Variants in EIF4E observed in about 807,000 individuals in gnomAD.
The protein encoded by EIF4E is eIF-4F 25 kDa subunit.
For synonymous variants in EIF4E, 71 were observed against 88.5 expected, an observed-to-expected ratio of 0.80 and a Z score of 1.11; for missense variants, 113 against 265.6, an observed-to-expected ratio of 0.43 and a Z score of 3.99.
intron 5 of EIF4E, chr4:98,886,645 G>A: frequency 2.9e-6 from 1 of 344,704 alleles, no homozygotes; most frequent in South Asian, 2.3e-5. Flanking sequence ...AACCCAGAGG[G>A]TGAGGCTGAA....
rs572779025 is a variant in EIF4E, at chr4:98,880,821, G to C, written c.*207C>G. The C allele has an allele frequency of 1.1e-6, 1 of 941,790 alleles. No homozygotes were observed. Among genetic ancestry groups the C allele is most frequent in the East Asian group, 3.6e-5 (1 of 28,158 alleles). 58.3% of individuals were successfully genotyped at this position (941,790 alleles called of 1,614,324 possible). ...GTACTGTAATTCTTTGATTGGGATA[G>C]TGGAAACTCTAGCCAAAAAAAAAAA... On this transcript the variant is annotated 3_prime_UTR_variant, in exon 7 of 7. Transcript: ENST00000450253.
At chr4:98,911,689 A>C (rs1294480824) in intron 1 of EIF4E, among the ~76,000 whole-genome samples, 15 of 148,232 alleles carry the variant, frequency 1.0e-4, no homozygotes, top group African/African-American at 2.3e-4. Context: ...AAAAAAAAGA[A>C]GACTTGTGGT....
chr4:98,916,286 CAAAA>C (rs11462325), intron 1 of EIF4E, among the ~76,000 whole-genome samples: 2 of 106,954 alleles, frequency 1.9e-5, no homozygotes, highest in Non-Finnish European at 4.1e-5. Flanking sequence ...ATTCAGAGGA[CAAAA>C]AAAAAAAAAA....
chr4:98,891,651 G>T lies in EIF4E; in HGVS notation c.126-319C>A, dbSNP rs953612562. The T allele has an allele frequency of 8.2e-5, 24 of 291,962 alleles. 2 individuals are homozygous for T. The highest frequency in any genetic ancestry group is 5.0e-4 in the South Asian group (10 of 19,956). 18.1% of individuals were successfully genotyped at this position (291,962 alleles called of 1,614,324 possible). A position where few individuals can be genotyped will look rare whatever the true frequency, so the allele number is the denominator to read the frequency against. ...ACAAAAAGAATGGTGATTGCCACTA[G>T]CCAAAGAGAAGGGAGTTTAGGGTTA... On this transcript the variant is annotated intron_variant, in intron 2 of 6. Transcript: ENST00000450253.
rs776360452 is a variant in EIF4E at position 98,928,664 on chromosome 4, CT to C, written c.18+430del. On this transcript the variant is annotated intron_variant, in intron 1 of 6. Transcript: ENST00000450253. ...GGGTTCTGCAGGGAGGGAAAGGCTG[CT>C]CCAGGGCTCCCTCCTCCATCTCACT... is the stretch of plus-strand genomic sequence containing the variant. 3.5e-3 allele frequency among the ~76,000 whole-genome samples: 529 copies of C among 152,234 alleles called. 3 individuals carry two copies. The highest frequency in any genetic ancestry group is 6.8e-3 in the Non-Finnish European group (464 of 67,988).
intron 1 of EIF4E, among the ~76,000 whole-genome samples, chr4:98,909,155 C>T (rs1442197145): frequency 1.3e-5 from 2 of 152,106 alleles, no homozygotes; most frequent in South Asian, 4.1e-4. Flanking sequence ...CACAAAAAAA[C>T]CCACTACCAG....
chr4:98,914,388 A>G (rs1725284631), intron 1 of EIF4E, among the ~76,000 whole-genome samples: 1 of 129,146 alleles, frequency 7.7e-6, no homozygotes, highest in Non-Finnish European at 1.6e-5. Context: ...AAAAAAAAAA[A>G]GCACTTTTTT....
chr4:98,886,850 TGA>T, intron 5 of EIF4E: 2 of 496,068 alleles, frequency 4.0e-6, no homozygotes, highest in South Asian at 4.1e-5. Flanking sequence ...CTTACTGTGG[TGA>T]GAGTCAACTG....
intron 2 of EIF4E, among the ~76,000 whole-genome samples, chr4:98,900,379 G>C (rs1329704019): frequency 6.6e-6 from 1 of 151,982 alleles, no homozygotes; most frequent in Non-Finnish European, 1.5e-5. Context: ...CTGAACCAAA[G>C]GGTCTCCTAT....
intron 1 of EIF4E, among the ~76,000 whole-genome samples, chr4:98,925,194 T>C (rs1468663291): frequency 6.6e-6 from 1 of 152,236 alleles, no homozygotes; most frequent in Non-Finnish European, 1.5e-5. Context: ...TTGATTCACT[T>C]ATGAAATTAG....
intron 1 of EIF4E, among the ~76,000 whole-genome samples, chr4:98,916,286 CAA>C (rs11462325): frequency 1.2e-4 from 13 of 106,902 alleles, no homozygotes; most frequent in East Asian, 2.5e-4. Flanking sequence ...ATTCAGAGGA[CAA>C]AAAAAAAAAA....
intron 5 of EIF4E, among the ~76,000 whole-genome samples, chr4:98,885,817 G>T (rs960139628): frequency 6.6e-6 from 1 of 152,134 alleles, no homozygotes; most frequent in African/African-American, 2.4e-5. Flanking sequence ...TAAGTGTACA[G>T]TTCAGTGGTG....
intron 1 of EIF4E, among the ~76,000 whole-genome samples, chr4:98,922,743 T>C (rs942628883): frequency 1.3e-5 from 2 of 152,126 alleles, no homozygotes; most frequent in Non-Finnish European, 2.9e-5. Context: ...TCCATATCCT[T>C]AATTCCATAT....
chr4:98,908,292 T>C (rs1278023471), intron 1 of EIF4E, among the ~76,000 whole-genome samples: 2 of 152,094 alleles, frequency 1.3e-5, no homozygotes, highest in Admixed American at 6.6e-5. Context: ...ATAATTCTGA[T>C]ACCAACACTC....
At chr4:98,889,157 CAAA>C (rs35752327) in intron 3 of EIF4E, among the ~76,000 whole-genome samples, 3 of 135,678 alleles carry the variant, frequency 2.2e-5, no homozygotes, top group Non-Finnish European at 1.6e-5. Context: ...GACTCCATCT[CAAA>C]AAAAAAAAAA....
intron 1 of EIF4E, among the ~76,000 whole-genome samples, chr4:98,913,025 T>G (rs943431066): frequency 6.6e-6 from 1 of 152,014 alleles, no homozygotes; most frequent in Non-Finnish European, 1.5e-5. Flanking sequence ...TGGTCCAACA[T>G]GGTGAAACCG....
At chr4:98,916,334 A>G (rs1453335611) in intron 1 of EIF4E, among the ~76,000 whole-genome samples, 2 of 151,998 alleles carry the variant, frequency 1.3e-5, no homozygotes, top group Non-Finnish European at 2.9e-5. Flanking sequence ...GGAGAAAATA[A>G]ATACCTGGAA....
intron 1 of EIF4E, 51 bp downstream of exon 1, chr4:98,929,044 G>T (rs1428600314): frequency 1.9e-6 from 3 of 1,573,502 alleles, no homozygotes; most frequent in African/African-American, 1.4e-5. Context: ...CAGTCAGAAG[G>T]AAGACGGAGC....
intron 1 of EIF4E, among the ~76,000 whole-genome samples, chr4:98,923,347 T>G (rs1725733381): frequency 6.6e-6 from 1 of 151,768 alleles, no homozygotes; most frequent in African/African-American, 2.4e-5. Flanking sequence ...ATAGGGTCTC[T>G]TTCTGTCACC....
Sources: gnomAD v4.1 joint callset for allele counts (sites outside exome capture counted in the v4.1 genomes callset) on GRCh38, gnomAD v4.1.1 for gene constraint, MANE v1.5 for transcripts, NCBI Gene and HGNC (gene_info 2026-07-23, HGNC 2026-07-21) for gene names.